Variants in IL1A observed in about 807,000 individuals in gnomAD.
IL1A encodes the protein interleukin 1 alpha.
Under a neutral mutation model 22.2 loss-of-function variants are expected in IL1A, and 16 were observed. That is an observed-to-expected ratio of 0.72 (90% CI 0.49 to 1.09). The LOEUF (loss-of-function observed/expected upper bound fraction) is 1.09, where lower values mean the gene tolerates loss of function less well. Among genes scored for constraint, IL1A ranks in the 50% least tolerant of loss-of-function variants. The probability of loss-of-function intolerance (pLI) is 0.00; values close to 1 mark genes in which losing one functional copy is unlikely to be tolerated. For synonymous variants in IL1A, 113 were observed against 118.5 expected (o/e 0.95, Z 0.30); for missense variants, 317 against 321.8 (o/e 0.99, Z 0.11).
At chr2:112,781,200 C>T (rs1277500168) in intron 4 of IL1A, among the ~76,000 whole-genome samples, 6 of 152,204 alleles carry the variant, frequency 3.9e-5, no homozygotes, top group South Asian at 2.1e-4. Flanking sequence ...TTAATCTTTA[C>T]AGCAGTCCAA....
intron 4 of IL1A, among the ~76,000 whole-genome samples, chr2:112,780,741 A>G (rs925981353): frequency 7.8e-5 from 6 of 77,020 alleles, no homozygotes; most frequent in African/African-American, 3.8e-4. Context: ...AGTAGTAATA[A>G]TAATAATAAT....
intron 4 of IL1A, among the ~76,000 whole-genome samples, chr2:112,780,461 T>C (rs1223616510): frequency 6.6e-6 from 1 of 152,244 alleles, no homozygotes; most frequent in Non-Finnish European, 1.5e-5. Flanking sequence ...TTAGGTATTA[T>C]CTTAAAAACA....
chr2:112,775,797 G>A (rs1416232995), intron 6 of IL1A, among the ~76,000 whole-genome samples: 2 of 152,018 alleles, frequency 1.3e-5, no homozygotes, highest in Non-Finnish European at 2.9e-5. Flanking sequence ...AAATTCCTAA[G>A]TATATCAGTA....
chr2:112,783,625 T>A, intron 2 of IL1A, 99 bp downstream of exon 2: 1 of 966,716 alleles, frequency 1.0e-6, no homozygotes, highest in Non-Finnish European at 1.7e-6. Flanking sequence ...CTACAACCTC[T>A]GCCGGCCTGC....
chr2:112,779,351 C>A, intron 5 of IL1A, 145 bp downstream of exon 5: 1 of 559,932 alleles, frequency 1.8e-6, no homozygotes, highest in Non-Finnish European at 3.0e-6. Flanking sequence ...TATGGGGGTG[C>A]TGTGCTTCAA....
chr2:112,777,379 A>C (rs915301015), intron 6 of IL1A, among the ~76,000 whole-genome samples: 2 of 152,212 alleles, frequency 1.3e-5, no homozygotes, highest in Non-Finnish European at 2.9e-5. Flanking sequence ...TGGGAATAGA[A>C]GGTCTTGGAT....
chr2:112,781,511 A>G, intron 4 of IL1A, 93 bp downstream of exon 4: 1 of 971,844 alleles, frequency 1.0e-6, no homozygotes. Context: ...TCTTCTTGTT[A>G]TTCTGACTCC....
At chr2:112,778,196 G>A (rs1681134106) in intron 5 of IL1A, 85 bp from the exon 6 acceptor site, 1 of 303,902 alleles carries the variant, frequency 3.3e-6, no homozygotes, top group East Asian at 4.8e-5. Flanking sequence ...TGTGCATGGT[G>A]TGTGTGTGTG....
At position 112,774,272 on chromosome 2, in the gene IL1A, C is replaced by T. The variant is rs966648529; in HGVS notation, c.*795G>A. The T allele has an allele frequency of 6.6e-6, 1 of 152,016 alleles. No individual in the cohort carries two copies. The highest frequency in any genetic ancestry group is 1.9e-4 in the East Asian group (1 of 5,196). 9.4% of individuals were successfully genotyped at this position (152,016 alleles called of 1,614,324 possible). The stretch of plus-strand genomic sequence containing the variant: ...AGTACTAGAATGCAGAGTTTCCTGG[C>T]TATGGGATAAGCACAACTTGGACCA... On this transcript the variant is annotated 3_prime_UTR_variant, in exon 7 of 7. Coordinates refer to ENST00000263339, the MANE Select transcript of IL1A (RefSeq NM_000575.5).
chr2:112,778,202 G>GTGTA, intron 5 of IL1A, 91 bp from the exon 6 acceptor site: 1 of 813,818 alleles, frequency 1.2e-6, no homozygotes, highest in Non-Finnish European at 1.9e-6. Flanking sequence ...TGGTGTGTGT[G>GTGTA]TGTGTGTGTG....
rs1212336544 is a variant in IL1A, at chr2:112,778,048, C to T, written c.554G>A (p.Arg185Lys). Residue 185 changes from arginine to lysine, a missense_variant, in exon 6 of 7, where the codon AGA (arginine) becomes AAA (lysine). Arg to Lys is a conservative substitution (Grantham distance 26). Coordinates refer to ENST00000263339, the MANE Select transcript of IL1A (RefSeq NM_000575.5). ...CACATACAATTGAGTTTTTGAGATT[C>T]TTAGAATCACGGTAATTTTAGCATC... The part of the protein sequence containing the change: ...KDDAKITVIL[R>K]ISKTQLYVTA... 5.0e-6 allele frequency: 8 copies of T among 1,614,066 alleles called. No homozygotes were observed. Among genetic ancestry groups the T allele is most frequent in the Non-Finnish European group, 6.8e-6 (8 of 1,179,930 alleles).
chr2:112,775,762 A>ATG (rs1681092087), intron 6 of IL1A, among the ~76,000 whole-genome samples: 2 of 151,996 alleles, frequency 1.3e-5, no homozygotes, highest in Non-Finnish European at 1.5e-5. Context: ...ACACGCACAC[A>ATG]CATACACACA....
At chr2:112,780,685 T>G (rs1355505462) in intron 4 of IL1A, among the ~76,000 whole-genome samples, 1 of 152,032 alleles carries the variant, frequency 6.6e-6, no homozygotes, top group African/African-American at 2.4e-5. Context: ...CATAATCCAG[T>G]CATTAATAAA....
chr2:112,774,955 A>C lies in IL1A; in HGVS notation c.*112T>G. 2.7e-6 allele frequency: 2 copies of C among 744,374 alleles called. No homozygotes were observed. Among genetic ancestry groups the C allele is most frequent in the Non-Finnish European group, 4.6e-6 (2 of 439,304 alleles). The allele number at this position is 744,374 out of a possible 1,614,324, so 46.1% of individuals were successfully genotyped here. On this transcript the variant is annotated 3_prime_UTR_variant, in exon 7 of 7. Transcript: ENST00000263339. ...GTGTAAACATTCATTTAGAATTACA[A>C]GGCTCAGTACATGCTCAGCAAATGA...
intron 6 of IL1A, among the ~76,000 whole-genome samples, chr2:112,777,712 T>C (rs778062109): frequency 6.6e-6 from 1 of 152,144 alleles, no homozygotes; most frequent in Non-Finnish European, 1.5e-5. Flanking sequence ...TAAAGATCAA[T>C]GGAATAAATG....
chr2:112,779,702 T>G (rs750387987), intron 4 of IL1A, 36 bp from the exon 5 acceptor site: 2 of 1,528,326 alleles, frequency 1.3e-6, no homozygotes, highest in Non-Finnish European at 1.8e-6. Context: ...TTAATGTCTA[T>G]GTACAAACAC....
At position 112,781,794 on chromosome 2, in the gene IL1A, G is replaced by T; in HGVS notation, c.129C>A (p.Leu43=). ...CAGATTGATCCATGCAGCCTTCATG[G>T]AGTGGGCCATAGCTTACATGATAGA... is the stretch of plus-strand genomic sequence containing the variant. ...KSFYHVSYGP[L]HEGCMDQSVS... Residue 43 remains leucine (L), a synonymous_variant, in exon 4 of 7, where the codon CTC becomes CTA. Coordinates refer to ENST00000263339, the MANE Select transcript of IL1A (RefSeq NM_000575.5). The T allele has an allele frequency of 6.2e-7, 1 of 1,613,942 alleles. No individual in the cohort carries two copies. The highest frequency in any genetic ancestry group is 8.5e-7 in the Non-Finnish European group (1 of 1,179,808).
intron 6 of IL1A, 62 bp downstream of exon 6, chr2:112,777,913 TGTCTGCCTATTG>T: frequency 6.8e-7 from 1 of 1,467,430 alleles, no homozygotes; most frequent in African/African-American, 1.4e-5. Flanking sequence ...TTGTTAGAGG[TGTCTGCCTATTG>T]GGCTTATTTA....
chr2:112,775,904 T>C (rs969558396), intron 6 of IL1A, among the ~76,000 whole-genome samples: 3 of 152,220 alleles, frequency 2.0e-5, no homozygotes, highest in Admixed American at 1.3e-4. Flanking sequence ...AATTCCAAGT[T>C]GAGATGCTTC....
Sources: allele counts gnomAD v4.1 joint callset (sites outside exome capture counted in the v4.1 genomes callset), GRCh38; gene constraint gnomAD v4.1.1; transcripts MANE v1.5; gene names NCBI Gene and HGNC (gene_info 2026-07-23, HGNC 2026-07-21).